The following OSBPL2 variants were observed in gnomAD, a reference collection of about 807,000 sequenced individuals.
OSBPL2 encodes the protein oxysterol-binding protein-related protein 2.
Under a neutral mutation model 58.4 loss-of-function variants are expected in OSBPL2, and 18 were observed. The ratio of observed to expected loss-of-function variants is 0.31; its 90% CI spans 0.21 to 0.46. The LOEUF (loss-of-function observed/expected upper bound fraction) is 0.46, where lower values mean the gene tolerates loss of function less well. Among genes scored for constraint, OSBPL2 ranks in the 20% least tolerant of loss-of-function variants. OSBPL2 has a pLI of 1.00. For synonymous variants in OSBPL2, 221 were observed against 234.1 expected, an observed-to-expected ratio of 0.94 and a Z score of 0.51; for missense variants, 461 against 616.5, an observed-to-expected ratio of 0.75 and a Z score of 2.67.
intron 12 of OSBPL2, chr20:62,291,241 T>C (rs1320467800): frequency 4.4e-5 from 6 of 135,318 alleles, no homozygotes; most frequent in Non-Finnish European, 9.6e-5. Context: ...TGCTTTGTAT[T>C]CAGAATGTGT....
chr20:62,291,284 A>C, intron 12 of OSBPL2: 5 of 285,882 alleles, frequency 1.7e-5, no homozygotes, highest in Non-Finnish European at 3.4e-5. Context: ...CATGGCAGTT[A>C]CCCGGGAAGG....
In OSBPL2 at chr20:62,280,712, G is replaced by A. The variant is rs74459884; in HGVS notation, c.675-346G>A. On this transcript the variant is annotated intron_variant, in intron 7 of 13. Coordinates refer to ENST00000313733, the MANE Select transcript of OSBPL2 (RefSeq NM_144498.4). The stretch of plus-strand genomic sequence containing the variant: ...GCCAGCTCCCCAGAAAGCCAGGGCC[G>A]CATGCCCAGGACCCTGCATTACTGC... Among the ~76,000 whole-genome samples, 1,768 of 152,332 alleles carry A rather than the reference G, an allele frequency of 0.012. 14 individuals carry two copies. The highest frequency in any genetic ancestry group is 0.024 in the Middle Eastern group (7 of 294).
At chr20:62,250,899 A>G (rs1980479836) in intron 1 of OSBPL2, among the ~76,000 whole-genome samples, 2 of 152,200 alleles carry the variant, frequency 1.3e-5, no homozygotes, top group Non-Finnish European at 2.9e-5. Context: ...ATGTCAGCCT[A>G]GATGACAGAG....
At chr20:62,256,639 C>A (rs567407924) in intron 2 of OSBPL2, among the ~76,000 whole-genome samples, 1 of 152,242 alleles carries the variant, frequency 6.6e-6, no homozygotes, top group Non-Finnish European at 1.5e-5. Flanking sequence ...TTCTTTCGCA[C>A]GATGGTTTAA....
chr20:62,243,797 T>C (rs988056118), intron 1 of OSBPL2, among the ~76,000 whole-genome samples: 7 of 152,046 alleles, frequency 4.6e-5, no homozygotes, highest in African/African-American at 1.7e-4. Flanking sequence ...TGGGTCATTA[T>C]TCTGGGGAAA....
At chr20:62,262,557 C>T (rs926459331) in intron 3 of OSBPL2, among the ~76,000 whole-genome samples, 5 of 152,206 alleles carry the variant, frequency 3.3e-5, no homozygotes, top group Admixed American at 1.3e-4. Flanking sequence ...TGCTGGCTTC[C>T]GGCAGCCCGG....
rs537964229 is a variant in OSBPL2 at position 62,269,338 on chromosome 20, G to A, written c.259-2787G>A. On this transcript the variant is annotated intron_variant, in intron 4 of 13. Transcript: ENST00000313733. The surrounding 1 kb of genome is among the most constrained non-coding windows in gnomAD (Gnocchi z 4.2). ...CAGCCGTGCGGCAGCAAAGAGCCCT[G>A]CATGTGTGTTTGGCCGAGGCTCTGT... 1.2e-4 allele frequency among the ~76,000 whole-genome samples: 19 copies of A among 152,358 alleles called. No homozygotes were observed. In the East Asian group the frequency reaches 1.5e-3, roughly 12 times the overall value.
At chr20:62,260,949 C>T (rs528876444) in intron 3 of OSBPL2, among the ~76,000 whole-genome samples, 77 of 152,104 alleles carry the variant, frequency 5.1e-4, no homozygotes, top group African/African-American at 1.7e-3. Context: ...ACGATGGCGC[C>T]GCTGCACTCT....
At chr20:62,253,062 C>T (rs200830370) in intron 1 of OSBPL2, among the ~76,000 whole-genome samples, 3 of 152,206 alleles carry the variant, frequency 2.0e-5, no homozygotes, top group African/African-American at 7.2e-5. Flanking sequence ...CTCAGTGTTC[C>T]GGGCAAAACT....
rs939209560 is a variant in OSBPL2 at position 62,262,566 on chromosome 20, G to A, written c.183-1050G>A. Among the ~76,000 whole-genome samples the A allele has an allele frequency of 3.3e-5, 5 of 152,200 alleles. No individual in the cohort carries two copies. The East Asian group carries it at 5.8e-4, about 18-fold the overall frequency. On this transcript the variant is annotated intron_variant, in intron 3 of 13. Coordinates refer to ENST00000313733, the MANE Select transcript of OSBPL2 (RefSeq NM_144498.4). ...GCTGGGTGCTGGCTTCCGGCAGCCCGGGCCTGGTACTCAGCAGATGTTCCT... is the reference window on the plus strand; with the variant it reads ...GCTGGGTGCTGGCTTCCGGCAGCCCAGGCCTGGTACTCAGCAGATGTTCCT...
At chr20:62,253,525 C>T (rs1277016758) in intron 1 of OSBPL2, among the ~76,000 whole-genome samples, 1 of 152,210 alleles carries the variant, frequency 6.6e-6, no homozygotes, top group Non-Finnish European at 1.5e-5. Context: ...CTGTGTTGTG[C>T]TGCTACAGCA....
intron 1 of OSBPL2, among the ~76,000 whole-genome samples, chr20:62,242,057 T>C (rs1601141090): frequency 6.6e-6 from 1 of 152,302 alleles, no homozygotes; most frequent in East Asian, 1.9e-4. Context: ...TGGGTTCTGG[T>C]TTGATAGTTT....
chr20:62,247,788 C>T (rs1161229682), intron 1 of OSBPL2, among the ~76,000 whole-genome samples: 2 of 152,044 alleles, frequency 1.3e-5, no homozygotes, highest in African/African-American at 4.8e-5. Flanking sequence ...CCTCAGCCTC[C>T]CTAGTAGCTG....
At chr20:62,253,364 C>CTCCTTTTTAGGATTAACTTTAAGA (rs1436805424) in intron 1 of OSBPL2, among the ~76,000 whole-genome samples, 1 of 152,244 alleles carries the variant, frequency 6.6e-6, no homozygotes, top group African/African-American at 2.4e-5. Flanking sequence ...ACCAGTTAAT[C>CTCCTTTTTAGGATTAACTTTAAGA]TCCTTTTTAG....
chr20:62,284,294 T>C, intron 10 of OSBPL2, 125 bp downstream of exon 10: 1 of 1,070,122 alleles, frequency 9.3e-7, no homozygotes, highest in Non-Finnish European at 1.4e-6. Flanking sequence ...GAGAGATGAA[T>C]GTGCAGAATT....
At position 62,273,395 on chromosome 20, in the gene OSBPL2, T is replaced by A; in HGVS notation, c.480T>A (p.Tyr160Ter). The A allele has an allele frequency of 6.2e-7, 1 of 1,600,218 alleles. No individual in the cohort carries two copies. Among genetic ancestry groups the A allele is most frequent in the Non-Finnish European group, 8.5e-7 (1 of 1,175,270 alleles). Residue 160 changes from tyrosine (Y) to a stop codon, truncating the protein, a stop_gained, in exon 6 of 14, where the codon TAT becomes TAA. Transcript: ENST00000313733. LOFTEE classifies it high-confidence loss of function. Reference sequence around the variant, plus strand: ...TTAATCCACTCTTGGGAGAAACGTATGAATTAATCAGGTAAGGGGGGAAAG... The same window carrying A: ...TTAATCCACTCTTGGGAGAAACGTAAGAATTAATCAGGTAAGGGGGGAAAG... ...KPFNPLLGET[Y>*]ELIREDLGFR...
intron 5 of OSBPL2, 70 bp from the exon 6 acceptor site, chr20:62,273,239 C>G: frequency 8.0e-7 from 1 of 1,257,142 alleles, no homozygotes; most frequent in Non-Finnish European, 1.1e-6. Context: ...CCGCCCTCCA[C>G]AAGAGGCCAT....
chr20:62,291,937 C>CACACCTGGGGACAGCGGGGAGG (rs1983550226), intron 13 of OSBPL2, 144 bp downstream of exon 13: 1 of 585,792 alleles, frequency 1.7e-6, no homozygotes, highest in African/African-American at 1.9e-5. Context: ...CCTTCTCTCA[C>CACACCTGGGGACAGCGGGGAGG]CCCCACACCC....
At chr20:62,256,831 C>T (rs1041266661) in intron 2 of OSBPL2, among the ~76,000 whole-genome samples, 1 of 152,218 alleles carries the variant, frequency 6.6e-6, no homozygotes, top group South Asian at 2.1e-4. Flanking sequence ...CTTCCAGAGC[C>T]GCCCCTTCTC....
Sources: allele counts gnomAD v4.1 joint callset (sites outside exome capture counted in the v4.1 genomes callset), GRCh38; gene constraint gnomAD v4.1.1; non-coding constraint Gnocchi (gnomAD v3.1); transcripts MANE v1.5; gene names NCBI Gene and HGNC (gene_info 2026-07-23, HGNC 2026-07-21).